The following KLHL32 variants were observed in gnomAD, a reference collection of about 807,000 sequenced individuals.
The protein encoded by KLHL32 is kelch-like protein 32.
A neutral mutation model predicts 64.8 loss-of-function variants in KLHL32; 35 were observed. The observed-to-expected ratio is 0.54, with a 90% CI of 0.41 to 0.72. The LOEUF is 0.72. Ranked by LOEUF, KLHL32 falls within the 30% of genes least tolerant of loss-of-function variation. The pLI, the probability that KLHL32 is intolerant of heterozygous loss-of-function variation, is 0.00. For synonymous variants in KLHL32, 259 were observed against 281.0 expected, an observed-to-expected ratio of 0.92 and a Z score of 0.78; for missense variants, 589 against 768.5, an observed-to-expected ratio of 0.77 and a Z score of 2.76.
At chr6:96,990,874 A>G (rs1206108) in intron 3 of KLHL32, among the ~76,000 whole-genome samples, 35,194 of 151,976 alleles carry the variant, frequency 0.23, 4,198 homozygotes, top group East Asian at 0.38. Flanking sequence ...AAAGCACTTA[A>G]GGTCTTTGTT....
At chr6:96,958,648 T>C (rs545050792) in intron 1 of KLHL32, among the ~76,000 whole-genome samples, 1 of 149,374 alleles carries the variant, frequency 6.7e-6, no homozygotes, top group Admixed American at 6.7e-5. Context: ...CCAAGAGCTA[T>C]TGCCTGTATT....
intron 3 of KLHL32, among the ~76,000 whole-genome samples, chr6:96,995,177 C>T (rs546819217): frequency 3.9e-5 from 6 of 152,278 alleles, no homozygotes; most frequent in Middle Eastern, 3.4e-3. Context: ...TAGTACCTGA[C>T]ACTCAATAAA....
At chr6:96,952,958 C>A (rs1772811183) in intron 1 of KLHL32, among the ~76,000 whole-genome samples, 1 of 152,156 alleles carries the variant, frequency 6.6e-6, no homozygotes, top group Non-Finnish European at 1.5e-5. Context: ...GTGAGTTCAT[C>A]CCCAATCAAT....
the KLHL32 span, among the ~76,000 whole-genome samples, chr6:96,905,207 A>G: frequency 6.6e-6 from 1 of 152,274 alleles, no homozygotes; most frequent in Non-Finnish European, 1.5e-5. Context: ...GATGCAAAGA[A>G]CAAGCAAATA....
chr6:96,978,126 T>C (rs887604287), intron 3 of KLHL32, among the ~76,000 whole-genome samples: 2 of 152,168 alleles, frequency 1.3e-5, no homozygotes, highest in Non-Finnish European at 2.9e-5. Context: ...TTTCAGCATT[T>C]CAGTATTGGA....
At chr6:96,982,289 T>A (rs1381081769) in intron 3 of KLHL32, among the ~76,000 whole-genome samples, 1 of 152,198 alleles carries the variant, frequency 6.6e-6, no homozygotes, top group Non-Finnish European at 1.5e-5. Context: ...GAATTGACCC[T>A]TTACCATTAG....
At chr6:97,099,402 A>G (rs1795404730) in intron 6 of KLHL32, among the ~76,000 whole-genome samples, 1 of 152,032 alleles carries the variant, frequency 6.6e-6, no homozygotes, top group South Asian at 2.1e-4. Flanking sequence ...CTTCCTCCTA[A>G]TCTGATAAAG....
chr6:97,075,367 C>G (rs976039759), intron 5 of KLHL32, among the ~76,000 whole-genome samples: 2 of 152,070 alleles, frequency 1.3e-5, no homozygotes, highest in African/African-American at 4.8e-5. Context: ...GCCTATATCT[C>G]TCTGTATGTT....
At chr6:96,916,123 G>A in the KLHL32 span, among the ~76,000 whole-genome samples, 5 of 151,688 alleles carry the variant, frequency 3.3e-5, no homozygotes, top group Non-Finnish European at 7.4e-5. Context: ...AGACAAAAAA[G>A]TAGAGAGACA....
intron 3 of KLHL32, among the ~76,000 whole-genome samples, chr6:97,008,853 C>T (rs984319351): frequency 6.6e-6 from 1 of 151,974 alleles, no homozygotes; most frequent in African/African-American, 2.4e-5. Context: ...TCATTCTTCC[C>T]TATGTCCCTG....
chr6:97,052,909 C>T (rs1787168340), intron 4 of KLHL32, among the ~76,000 whole-genome samples: 1 of 152,118 alleles, frequency 6.6e-6, no homozygotes, highest in Admixed American at 6.5e-5. Flanking sequence ...CATTCAATAA[C>T]CCTCTTAATG....
intron 2 of KLHL32, among the ~76,000 whole-genome samples, chr6:96,968,822 C>G (rs1221248566): frequency 6.6e-6 from 1 of 152,108 alleles, no homozygotes; most frequent in Non-Finnish European, 1.5e-5. Context: ...TCCCTTGTAG[C>G]CCTCTCAAAG....
intron 6 of KLHL32, among the ~76,000 whole-genome samples, chr6:97,095,263 T>G (rs1355243443): frequency 6.6e-6 from 1 of 152,190 alleles, no homozygotes; most frequent in Non-Finnish European, 1.5e-5. Context: ...CAATTTCTCA[T>G]TCTGCCCACT....
chr6:97,117,539 C>T (rs1797923301), intron 7 of KLHL32, among the ~76,000 whole-genome samples: 1 of 151,996 alleles, frequency 6.6e-6, no homozygotes, highest in African/African-American at 2.4e-5. Context: ...TATGACAAGC[C>T]GAAAGGAATC....
rs1800530498 is a variant in KLHL32, at chr6:97,140,184, G to GTT, written c.*904_*905dup. 6.6e-6 allele frequency: 1 copy of GTT among 152,076 alleles called. No homozygotes were observed. Among genetic ancestry groups the GTT allele is most frequent in the Non-Finnish European group, 1.5e-5 (1 of 67,970 alleles). The allele number at this position is 152,076 out of a possible 1,614,324, so 9.4% of individuals were successfully genotyped here. On this transcript the variant is annotated 3_prime_UTR_variant, in exon 11 of 11. Coordinates refer to ENST00000369261, the MANE Select transcript of KLHL32 (RefSeq NM_052904.4). Reference sequence around the variant, plus strand: ...GAGACACACAATGAGGAAATAGGGAGTTTCTCAAAATCTAAACTTGTACAG... The same window carrying GTT: ...GAGACACACAATGAGGAAATAGGGAGTTTTTCTCAAAATCTAAACTTGTACAG...
intron 5 of KLHL32, among the ~76,000 whole-genome samples, chr6:97,074,296 C>T (rs1354501515): frequency 1.3e-5 from 2 of 152,154 alleles, no homozygotes; most frequent in East Asian, 3.9e-4. Context: ...TTGAGGGATG[C>T]TGATGTCTGA....
At chr6:97,000,723 A>G (rs1778921796) in intron 3 of KLHL32, among the ~76,000 whole-genome samples, 3 of 152,218 alleles carry the variant, frequency 2.0e-5, no homozygotes, top group Non-Finnish European at 4.4e-5. Context: ...TTTTTATTCT[A>G]ATTACTCAAA....
At chr6:97,060,605 T>A (rs1788721446) in intron 4 of KLHL32, among the ~76,000 whole-genome samples, 1 of 152,056 alleles carries the variant, frequency 6.6e-6, no homozygotes, top group Non-Finnish European at 1.5e-5. Context: ...AGACCAGGAG[T>A]CCCAGTCTTA....
intron 3 of KLHL32, among the ~76,000 whole-genome samples, chr6:96,981,429 T>C (rs1776301170): frequency 1.3e-5 from 2 of 152,240 alleles, no homozygotes; most frequent in East Asian, 1.9e-4. Flanking sequence ...TTGCATTTAT[T>C]TGGATTTTCT....
Sources: gnomAD v4.1 joint callset for allele counts (sites outside exome capture counted in the v4.1 genomes callset) on GRCh38, gnomAD v4.1.1 for gene constraint, MANE v1.5 for transcripts, NCBI Gene and HGNC (gene_info 2026-07-23, HGNC 2026-07-21) for gene names.